Variants in ERC2 observed in about 807,000 individuals in gnomAD.
The protein encoded by ERC2 is ERC protein 2.
ERC2 carries 42 observed loss-of-function variants against 114.8 expected under a neutral mutation model. The observed-to-expected ratio is 0.37, with a 90% CI of 0.29 to 0.47. ERC2 has a LOEUF of 0.47. Among genes scored for constraint, ERC2 ranks in the 20% least tolerant of loss-of-function variants. The probability of loss-of-function intolerance (pLI) is 0.99; values close to 1 mark genes in which losing one functional copy is unlikely to be tolerated. For synonymous variants in ERC2, 454 were observed against 425.5 expected, an observed-to-expected ratio of 1.07 and a Z score of -0.82; for missense variants, 939 against 1,150.7, an observed-to-expected ratio of 0.82 and a Z score of 2.66.
intron 3 of ERC2, among the ~76,000 whole-genome samples, chr3:56,232,319 C>T (rs907919315): frequency 6.6e-6 from 1 of 151,782 alleles, no homozygotes; most frequent in African/African-American, 2.4e-5. Context: ...AAACAAAAAT[C>T]CACTCTAAAA....
At chr3:55,831,677 G>C (rs1048700898) in intron 14 of ERC2, among the ~76,000 whole-genome samples, 2 of 152,178 alleles carry the variant, frequency 1.3e-5, no homozygotes, top group Non-Finnish European at 2.9e-5. Flanking sequence ...CCCAGCATGA[G>C]TGACACAGAA....
At chr3:55,883,226 A>G (rs2063194381) in intron 14 of ERC2, among the ~76,000 whole-genome samples, 1 of 152,252 alleles carries the variant, frequency 6.6e-6, no homozygotes. Flanking sequence ...TCCACTGTAA[A>G]TAAAATCACA....
chr3:55,808,742 T>TATATATATATATAA (rs1455596885), intron 14 of ERC2, among the ~76,000 whole-genome samples: 22 of 100,370 alleles, frequency 2.2e-4, no homozygotes, highest in African/African-American at 7.9e-4. Flanking sequence ...TATATATATA[T>TATATATATATATAA]AACGTATAAC....
At chr3:55,882,113 A>G (rs2063143823) in intron 14 of ERC2, among the ~76,000 whole-genome samples, 1 of 152,200 alleles carries the variant, frequency 6.6e-6, no homozygotes. Flanking sequence ...AATCCCTTGA[A>G]TAGATTAATG....
intron 17 of ERC2, among the ~76,000 whole-genome samples, chr3:55,641,795 C>A (rs1315068791): frequency 6.6e-6 from 1 of 152,088 alleles, no homozygotes; most frequent in African/African-American, 2.4e-5. Context: ...ACTTTAGGTG[C>A]CTTAGTGCCT....
intron 17 of ERC2, among the ~76,000 whole-genome samples, chr3:55,667,479 T>C (rs1394367306): frequency 1.3e-5 from 2 of 152,254 alleles, no homozygotes; most frequent in South Asian, 2.1e-4. Flanking sequence ...TCCTTCTACA[T>C]TGCACCTGGC....
chr3:55,723,944 A>C (rs1559552840), intron 15 of ERC2, among the ~76,000 whole-genome samples: 1 of 152,192 alleles, frequency 6.6e-6, no homozygotes, highest in Non-Finnish European at 1.5e-5. Context: ...TGAAATGATA[A>C]GGTGAAGACA....
intron 6 of ERC2, among the ~76,000 whole-genome samples, chr3:56,113,404 C>T (rs1367694253): frequency 1.3e-5 from 2 of 152,304 alleles, no homozygotes; most frequent in Middle Eastern, 3.4e-3. Flanking sequence ...AGATACCTCA[C>T]GCTTGCTGTT....
intron 17 of ERC2, among the ~76,000 whole-genome samples, chr3:55,518,909 A>G (rs1485815189): frequency 6.6e-6 from 1 of 152,246 alleles, no homozygotes; most frequent in Non-Finnish European, 1.5e-5. Flanking sequence ...ACTAGTTAAA[A>G]TAACCAAAGG....
intron 14 of ERC2, among the ~76,000 whole-genome samples, chr3:55,863,828 T>G (rs942607768): frequency 2.0e-5 from 3 of 151,906 alleles, no homozygotes; most frequent in Non-Finnish European, 4.4e-5. Flanking sequence ...TCACACTAAG[T>G]TTTTGAAACT....
At chr3:55,889,958 C>T (rs900444280) in intron 13 of ERC2, among the ~76,000 whole-genome samples, 5 of 152,112 alleles carry the variant, frequency 3.3e-5, no homozygotes, top group African/African-American at 2.4e-5. Context: ...CTTCATTTTG[C>T]CCTGATAAAA....
At chr3:56,126,376 C>CA (rs1473411363) in intron 6 of ERC2, among the ~76,000 whole-genome samples, 3 of 152,104 alleles carry the variant, frequency 2.0e-5, no homozygotes, top group Non-Finnish European at 4.4e-5. Flanking sequence ...AATAGATGCA[C>CA]AAAAAGCATT....
intron 13 of ERC2, among the ~76,000 whole-genome samples, chr3:55,898,543 A>G (rs887169838): frequency 6.6e-6 from 1 of 152,136 alleles, no homozygotes; most frequent in African/African-American, 2.4e-5. Context: ...GTAAATAATA[A>G]CTGCACCTTC....
At chr3:55,964,184 T>C (rs186175689) in intron 12 of ERC2, among the ~76,000 whole-genome samples, 9 of 152,340 alleles carry the variant, frequency 5.9e-5, no homozygotes, top group Admixed American at 5.9e-4. Context: ...CTCAGTTAAA[T>C]GAAACAACAT....
At chr3:55,908,312 T>C (rs183711094) in intron 13 of ERC2, among the ~76,000 whole-genome samples, 332 of 152,286 alleles carry the variant, frequency 2.2e-3, no homozygotes, top group Non-Finnish European at 3.6e-3. Context: ...ATCTGGATCA[T>C]GAATGATCAG....
At chr3:56,242,111 G>A (rs1447519217) in intron 3 of ERC2, among the ~76,000 whole-genome samples, 1 of 152,152 alleles carries the variant, frequency 6.6e-6, no homozygotes, top group African/African-American at 2.4e-5. Flanking sequence ...AGAAAATGTG[G>A]TATATGCACA....
intron 14 of ERC2, among the ~76,000 whole-genome samples, chr3:55,754,067 A>C (rs2066894077): frequency 6.6e-6 from 1 of 152,216 alleles, no homozygotes; most frequent in Non-Finnish European, 1.5e-5. Context: ...TTATTATTAT[A>C]AATGCAAGCT....
At chr3:56,000,947 C>A (rs529050016) in intron 10 of ERC2, among the ~76,000 whole-genome samples, 5 of 147,552 alleles carry the variant, frequency 3.4e-5, no homozygotes, top group Admixed American at 3.4e-4. Flanking sequence ...GAGGAATAAG[C>A]AAATAGAGTA....
rs377723974 is a variant in ERC2 at position 55,794,837 on chromosome 3, G to T, written c.2565-59919C>A. 2.0e-5 allele frequency among the ~76,000 whole-genome samples: 3 copies of T among 152,288 alleles called. No homozygotes were observed. In the South Asian group the frequency reaches 6.2e-4, roughly 32 times the overall value. ...TCACAGTTATCATGAGGTCCTTAAA[G>T]TTGGTTCTGATGGTTTGGCTGAATT... On this transcript the variant is annotated intron_variant, in intron 14 of 17. Transcript: ENST00000288221.
Sources: allele counts gnomAD v4.1 joint callset (sites outside exome capture counted in the v4.1 genomes callset), GRCh38; gene constraint gnomAD v4.1.1; transcripts MANE v1.5; gene names NCBI Gene and HGNC (gene_info 2026-07-23, HGNC 2026-07-21).